Variants in PLAA observed in about 807,000 individuals in gnomAD.
PLAA encodes the protein phospholipase A2 activating protein.
In PLAA, 48 loss-of-function variants were observed where a neutral mutation model predicts 84.1. The ratio of observed to expected loss-of-function variants is 0.57; its 90% CI spans 0.45 to 0.73. PLAA has a LOEUF of 0.73. Ranked by LOEUF, PLAA falls within the 30% of genes least tolerant of loss-of-function variation. The pLI is 0.00. For missense variants in PLAA, 903 were observed against 954.7 expected, an observed-to-expected ratio of 0.95 and a Z score of 0.71; for synonymous variants, 392 against 336.6, an observed-to-expected ratio of 1.16 and a Z score of -1.80.
chr9:26,913,267 G>C (rs1587153068), intron 11 of PLAA, among the ~76,000 whole-genome samples: 1 of 152,078 alleles, frequency 6.6e-6, no homozygotes, highest in African/African-American at 2.4e-5. Flanking sequence ...TGTTTTACTG[G>C]CAGCCAATAC....
chr9:26,944,674 G>A (rs1436346033), intron 1 of PLAA, among the ~76,000 whole-genome samples: 1 of 152,182 alleles, frequency 6.6e-6, no homozygotes, highest in Non-Finnish European at 1.5e-5. Context: ...AGCCACCCAT[G>A]GGCCACAGGA....
intron 2 of PLAA, among the ~76,000 whole-genome samples, chr9:26,931,861 G>C (rs79584184): frequency 0.014 from 2,171 of 152,238 alleles, 49 homozygotes; most frequent in African/African-American, 0.048. Flanking sequence ...GGACAACATG[G>C]ATCACCAGAG....
chr9:26,935,319 ACTATC>A (rs1554660833), intron 1 of PLAA, 113 bp from the exon 2 acceptor site: 1 of 578,380 alleles, frequency 1.7e-6, no homozygotes, highest in Non-Finnish European at 2.9e-6. Flanking sequence ...TAGAGTATAT[ACTATC>A]TTAAGAATCT....
At position 26,946,990 on chromosome 9, in the gene PLAA, A is replaced by G; in HGVS notation, c.56T>C (p.Leu19Pro). The G allele has an allele frequency of 6.3e-7, 1 of 1,595,248 alleles. No homozygotes were observed. The highest frequency in any genetic ancestry group is 8.5e-7 in the Non-Finnish European group (1 of 1,171,664). The change falls in exon 1 of 14, where the codon CTG (leucine) becomes CCG (proline). Residue 19 changes from leucine to proline, a missense_variant. Transcript: ENST00000397292. The stretch of plus-strand genomic sequence containing the variant: ...GCAGCACACCAGGCCCCGTACGTCC[A>G]GCTCGTGGCCCCGGAGCGAGCAGCT... ...RLSCSLRGHE[L>P]DVRGLVCCAY...
Position 26,947,235 on chromosome 9 carries a change from G to T in PLAA, c.-190C>A. The T allele has an allele frequency of 1.6e-6, 1 of 610,182 alleles. No individual in the cohort carries two copies. The highest frequency in any genetic ancestry group is 2.2e-5 in the South Asian group (1 of 45,526). The allele number at this position is 610,182 out of a possible 1,614,324, so 37.8% of individuals were successfully genotyped here. On this transcript the variant is annotated 5_prime_UTR_variant, in exon 1 of 14. The change creates a new upstream start codon in the 5' untranslated region. Coordinates refer to ENST00000397292, the MANE Select transcript of PLAA (RefSeq NM_001031689.3). ...CGCGCCGAGCGGGCCGAGTGACACAGCAAGCCTGACAGGCACTCCGGAATT... is the reference window on the plus strand; with the variant it reads ...CGCGCCGAGCGGGCCGAGTGACACATCAAGCCTGACAGGCACTCCGGAATT...
chr9:26,947,216 G>C lies in PLAA; in HGVS notation c.-171C>G. On this transcript the variant is annotated 5_prime_UTR_variant, in exon 1 of 14. Transcript: ENST00000397292. Reference sequence around the variant, plus strand: ...AAGGGCGGCTGGGAAGGGGCGCGCCGAGCGGGCCGAGTGACACAGCAAGCC... The same window carrying C: ...AAGGGCGGCTGGGAAGGGGCGCGCCCAGCGGGCCGAGTGACACAGCAAGCC... The C allele has an allele frequency of 1.4e-6, 1 of 696,766 alleles. No individual in the cohort carries two copies. The highest frequency in any genetic ancestry group is 2.3e-6 in the Non-Finnish European group (1 of 444,084). The allele number at this position is 696,766 out of a possible 1,614,324, so 43.2% of individuals were successfully genotyped here. A position where few individuals can be genotyped will look rare whatever the true frequency, so the allele number is the denominator to read the frequency against.
At chr9:26,940,166 A>G (rs1825487232) in intron 1 of PLAA, among the ~76,000 whole-genome samples, 1 of 152,260 alleles carries the variant, frequency 6.6e-6, no homozygotes, top group African/African-American at 2.4e-5. Context: ...TATATTCCCA[A>G]TGGAAATGAA....
chr9:26,942,487 A>G (rs943515160), intron 1 of PLAA, among the ~76,000 whole-genome samples: 2 of 152,258 alleles, frequency 1.3e-5, no homozygotes, highest in African/African-American at 4.8e-5. Flanking sequence ...TAGTAAGCTA[A>G]GCAAATGAAA....
Position 26,920,219 on chromosome 9 carries a change from C to G in PLAA, c.1197+8G>C, listed in dbSNP as rs548381785. 6.2e-7 allele frequency: 1 copy of G among 1,609,128 alleles called. No homozygotes were observed. The highest frequency in any genetic ancestry group is 8.5e-7 in the Non-Finnish European group (1 of 1,175,980). On this transcript the variant is annotated splice_region_variant and intron_variant, in intron 8 of 13. Coordinates refer to ENST00000397292, the MANE Select transcript of PLAA (RefSeq NM_001031689.3). ...ACAATAGTAATTAGAAAGTAGAAGT[C>G]GACATACTTTCCCTTCATATAAAAC...
At chr9:26,911,200 T>A (rs1417008213) in intron 11 of PLAA, among the ~76,000 whole-genome samples, 1 of 152,188 alleles carries the variant, frequency 6.6e-6, no homozygotes, top group African/African-American at 2.4e-5. Flanking sequence ...TTGCCCAGGC[T>A]GGAGTACAGT....
intron 2 of PLAA, among the ~76,000 whole-genome samples, chr9:26,933,983 A>AT (rs1451806274): frequency 1.3e-5 from 2 of 151,790 alleles, no homozygotes; most frequent in Admixed American, 6.6e-5. Flanking sequence ...TAATTTTTTA[A>AT]TTTTTTGTAG....
At chr9:26,911,828 A>G (rs535425312) in intron 11 of PLAA, among the ~76,000 whole-genome samples, 1 of 152,238 alleles carries the variant, frequency 6.6e-6, no homozygotes, top group Non-Finnish European at 1.5e-5. Context: ...AATATGAATA[A>G]AAGATTTATC....
chr9:26,916,019 T>A lies in PLAA; in HGVS notation c.1486+1078A>T, dbSNP rs1424222461. 10 of 985,326 alleles carry A rather than the reference T, an allele frequency of 1.0e-5. No individual in the cohort carries two copies. In the South Asian group the frequency reaches 2.8e-4, roughly 28 times the overall value. The allele number at this position is 985,326 out of a possible 1,614,324, so 61.0% of individuals were successfully genotyped here. On this transcript the variant is annotated intron_variant, in intron 10 of 13. Transcript: ENST00000397292. ...GACTTCCTTAACAGCCACTGTGCCA[T>A]AACAGCATTTAGTGTGATAGTTAAT...
chr9:26,907,924 T>A lies in PLAA; in HGVS notation c.1732A>T (p.Lys578Ter), dbSNP rs1392105044. 6.2e-7 allele frequency: 1 copy of A among 1,610,866 alleles called. No individual in the cohort carries two copies. Among genetic ancestry groups the A allele is most frequent in the African/African-American group, 1.3e-5 (1 of 74,718 alleles). ...LTEDDLILLE[K>*]ILSLICNSSS... The stretch of plus-strand genomic sequence containing the variant: ...CTATTACATATTAGAGACAGTATCT[T>A]CTCAAGAAGTATCAAGTCATCCTCA... Residue 578 changes from lysine (K) to a stop codon, truncating the protein, a stop_gained, in exon 13 of 14, where the codon AAG becomes TAG. Coordinates refer to ENST00000397292, the MANE Select transcript of PLAA (RefSeq NM_001031689.3). LOFTEE classifies it high-confidence loss of function.
chr9:26,936,769 A>G (rs1036977101), intron 1 of PLAA, among the ~76,000 whole-genome samples: 2 of 152,194 alleles, frequency 1.3e-5, no homozygotes, highest in Admixed American at 6.5e-5. Flanking sequence ...AGAGGCAGGC[A>G]GCCATTGTTG....
At chr9:26,934,966 G>T in intron 2 of PLAA, 47 bp downstream of exon 2, 1 of 1,319,812 alleles carries the variant, frequency 7.6e-7, no homozygotes, top group South Asian at 1.4e-5. Flanking sequence ...TACTTTCAAA[G>T]GGATAAAACT....
chr9:26,933,788 C>CAAAAA (rs199939902), intron 2 of PLAA, among the ~76,000 whole-genome samples: 133 of 89,214 alleles, frequency 1.5e-3, no homozygotes, highest in Non-Finnish European at 2.6e-3. Flanking sequence ...GACTCTGCCT[C>CAAAAA]AAAAAAAAAA....
intron 1 of PLAA, among the ~76,000 whole-genome samples, chr9:26,944,160 T>A (rs915269448): frequency 1.3e-5 from 2 of 152,176 alleles, no homozygotes; most frequent in Admixed American, 1.3e-4. Context: ...AAAAGCAAGT[T>A]TGGCCCCTCT....
At chr9:26,917,792 G>A (rs1434456160) in intron 9 of PLAA, among the ~76,000 whole-genome samples, 1 of 152,016 alleles carries the variant, frequency 6.6e-6, no homozygotes, top group Non-Finnish European at 1.5e-5. Context: ...GAAATAATCA[G>A]GTTGTCCACA....
Sources: gnomAD v4.1 joint callset for allele counts (sites outside exome capture counted in the v4.1 genomes callset) on GRCh38, gnomAD v4.1.1 for gene constraint, MANE v1.5 for transcripts, NCBI Gene and HGNC (gene_info 2026-07-23, HGNC 2026-07-21) for gene names.